HSPBAP1: variants seen among roughly 807,000 people sequenced by gnomAD.
HSPBAP1 encodes HSPB1 associated protein 1.
HSPBAP1 carries 27 observed loss-of-function variants against 45.2 expected under a neutral mutation model. The ratio of observed to expected loss-of-function variants is 0.60; its 90% CI spans 0.44 to 0.82. The LOEUF (loss-of-function observed/expected upper bound fraction) is 0.82, where lower values mean the gene tolerates loss of function less well. Among genes scored for constraint, HSPBAP1 ranks in the 40% least tolerant of loss-of-function variants. The pLI is 0.00. For synonymous variants in HSPBAP1, 204 were observed against 202.7 expected (o/e 1.01, Z -0.06); for missense variants, 510 against 590.9 (o/e 0.86, Z 1.42).
chr3:122,779,527 A>ATTTATTTATTTTTTG (rs1560158984), intron 1 of HSPBAP1, among the ~76,000 whole-genome samples: 1 of 61,158 alleles, frequency 1.6e-5, no homozygotes, highest in Non-Finnish European at 4.6e-5. Flanking sequence ...TTTATTTTTT[A>ATTTATTTATTTTTTG]TTGATCATTC....
At chr3:122,750,508 T>C (rs1934091920) in intron 6 of HSPBAP1, among the ~76,000 whole-genome samples, 1 of 143,980 alleles carries the variant, frequency 6.9e-6, no homozygotes, top group Admixed American at 7.2e-5. Context: ...GAAATATAAA[T>C]ACATCAATAT....
intron 1 of HSPBAP1, among the ~76,000 whole-genome samples, chr3:122,778,207 T>G (rs943558020): frequency 1.9e-5 from 1 of 51,678 alleles, no homozygotes; most frequent in African/African-American, 4.4e-5. Flanking sequence ...CAACAGGTAG[T>G]TTTTTTTGTT....
chr3:122,778,533 T>A (rs1018891168), intron 1 of HSPBAP1, among the ~76,000 whole-genome samples: 103 of 150,840 alleles, frequency 6.8e-4, no homozygotes, highest in Non-Finnish European at 1.1e-3. Context: ...ATTTTTTTTT[T>A]TTTTTTGAGA....
chr3:122,790,817 A>C (rs774908242), intron 1 of HSPBAP1, among the ~76,000 whole-genome samples: 2 of 152,244 alleles, frequency 1.3e-5, no homozygotes, highest in Non-Finnish European at 2.9e-5. Context: ...CCCTGTATCT[A>C]CAAAAATAAA....
rs762847281 is a variant in HSPBAP1 at position 122,752,656 on chromosome 3, G to A, written c.760C>T (p.His254Tyr). The A allele has an allele frequency of 6.2e-7, 1 of 1,608,146 alleles. No individual in the cohort carries two copies. Among genetic ancestry groups the A allele is most frequent in the Non-Finnish European group, 8.5e-7 (1 of 1,177,486 alleles). Residue 254 changes from histidine to tyrosine, a missense_variant, in exon 6 of 8, where the codon CAC (histidine) becomes TAC (tyrosine). Coordinates refer to ENST00000306103, the MANE Select transcript of HSPBAP1 (RefSeq NM_024610.6). ...SPGQVLFVPR[H>Y]WWHYVESIDP... ...ATGGATTCTACGTAATGCCACCAGT[G>A]TCTGGGAACAAAGAGAACCTGAAAA...
At chr3:122,745,858 A>C (rs1277365844) in intron 6 of HSPBAP1, among the ~76,000 whole-genome samples, 1 of 152,178 alleles carries the variant, frequency 6.6e-6, no homozygotes, top group East Asian at 1.9e-4. Context: ...CTATCTACAA[A>C]ACTGTCAAGA....
At chr3:122,747,642 C>A (rs1350415472) in intron 6 of HSPBAP1, among the ~76,000 whole-genome samples, 1 of 148,406 alleles carries the variant, frequency 6.7e-6, no homozygotes, top group African/African-American at 2.5e-5. Flanking sequence ...GGGGGGTCAG[C>A]CCCCCGCCCG....
chr3:122,775,882 G>A (rs1935177521), intron 2 of HSPBAP1, among the ~76,000 whole-genome samples: 2 of 152,142 alleles, frequency 1.3e-5, no homozygotes, highest in Admixed American at 6.5e-5. Flanking sequence ...TCCATCAACT[G>A]AATAGATAAA....
intron 4 of HSPBAP1, among the ~76,000 whole-genome samples, chr3:122,758,249 C>A (rs1197699503): frequency 1.3e-5 from 2 of 152,204 alleles, no homozygotes; most frequent in African/African-American, 4.8e-5. Flanking sequence ...TAAGGCTGCA[C>A]ATACATCTGA....
At chr3:122,787,542 A>T (rs1265747604) in intron 1 of HSPBAP1, among the ~76,000 whole-genome samples, 1 of 152,236 alleles carries the variant, frequency 6.6e-6, no homozygotes, top group African/African-American at 2.4e-5. Flanking sequence ...AAAAACCTTT[A>T]GAAGTTGACA....
chr3:122,780,839 G>C (rs1161049380), intron 1 of HSPBAP1, among the ~76,000 whole-genome samples: 1 of 143,770 alleles, frequency 7.0e-6, no homozygotes, highest in Non-Finnish European at 1.6e-5. Flanking sequence ...CTTCTCAGAC[G>C]GGGCGGCCGG....
chr3:122,785,226 G>A (rs552052532), intron 1 of HSPBAP1, among the ~76,000 whole-genome samples: 117 of 152,352 alleles, frequency 7.7e-4, no homozygotes, highest in African/African-American at 2.7e-3. Flanking sequence ...GAGTGCATGA[G>A]TGTATGTGCA....
At chr3:122,747,573 G>A (rs1204950531) in intron 6 of HSPBAP1, among the ~76,000 whole-genome samples, 2 of 128,742 alleles carry the variant, frequency 1.6e-5, no homozygotes, top group African/African-American at 3.4e-5. Flanking sequence ...GCCCCGTCCG[G>A]GAGGGAGGTG....
At chr3:122,757,178 C>T (rs1265313762) in intron 4 of HSPBAP1, among the ~76,000 whole-genome samples, 2 of 152,208 alleles carry the variant, frequency 1.3e-5, no homozygotes, top group Non-Finnish European at 2.9e-5. Flanking sequence ...GGTATTCAAT[C>T]ATCATGTGAT....
In HSPBAP1 at chr3:122,756,034, A is replaced by G. The variant is rs915097283; in HGVS notation, c.570-603T>C. Among the ~76,000 whole-genome samples the G allele has an allele frequency of 1.1e-4, 17 of 152,228 alleles. 1 individual carries two copies. The highest frequency in any genetic ancestry group is 4.1e-4 in the South Asian group (2 of 4,830). ...ATGTTTGTCATTTAAAACAGTTTTG[A>G]AAATGGAGGTAATAAATTCTAACTC... is the stretch of plus-strand genomic sequence containing the variant. On this transcript the variant is annotated intron_variant, in intron 4 of 7. Transcript: ENST00000306103.
At chr3:122,789,864 CTTT>C (rs368711372) in intron 1 of HSPBAP1, among the ~76,000 whole-genome samples, 10 of 137,118 alleles carry the variant, frequency 7.3e-5, no homozygotes, top group Non-Finnish European at 7.7e-5. Context: ...GCCAAAGCTT[CTTT>C]TTTTTTTTTT....
chr3:122,756,073 C>T (rs2107509523), intron 4 of HSPBAP1, among the ~76,000 whole-genome samples: 1 of 152,136 alleles, frequency 6.6e-6, no homozygotes, highest in East Asian at 1.9e-4. Flanking sequence ...AAACACTAGA[C>T]ACTCCTATGC....
intron 2 of HSPBAP1, among the ~76,000 whole-genome samples, chr3:122,770,293 T>C (rs1934944520): frequency 6.6e-6 from 1 of 152,206 alleles, no homozygotes; most frequent in Non-Finnish European, 1.5e-5. Context: ...TAGGGCACAT[T>C]TATCTAAAAG....
intron 1 of HSPBAP1, among the ~76,000 whole-genome samples, chr3:122,780,439 T>C (rs1282916342): frequency 1.9e-5 from 2 of 107,150 alleles, no homozygotes; most frequent in Admixed American, 9.5e-5. Context: ...GGCTCCTCAC[T>C]TCCCAGTAGG....
Sources: gnomAD v4.1 joint callset for allele counts (sites outside exome capture counted in the v4.1 genomes callset) on GRCh38, gnomAD v4.1.1 for gene constraint, MANE v1.5 for transcripts, NCBI Gene and HGNC (gene_info 2026-07-23, HGNC 2026-07-21) for gene names.